The following MYH2 variants were observed in gnomAD, a reference collection of about 807,000 sequenced individuals.
The protein encoded by MYH2 is myosin-2.
A neutral mutation model predicts 228.1 loss-of-function variants in MYH2; 139 were observed. The ratio of observed to expected loss-of-function variants is 0.61; its 90% confidence interval spans 0.53 to 0.70. The LOEUF is 0.70. MYH2 is among the 30% of genes least tolerant of loss of function. MYH2 has a pLI of 0.00. For missense variants in MYH2, 1,809 were observed against 2,357.5 expected (o/e 0.77, Z 4.82); for synonymous variants, 796 against 871.1 (o/e 0.91, Z 1.52).
chr17:10,537,224 G>T lies in MYH2; in HGVS notation c.1897+9C>A. ...TACCTAGAGAGTATTATTAACATTT[G>T]AGCATTACCTCCTTCAGCAGTTTGA... On this transcript the variant is annotated intron_variant, in intron 16 of 39. Coordinates refer to ENST00000245503, the MANE Select transcript of MYH2 (RefSeq NM_017534.6). The surrounding 1 kb of genome is among the most constrained non-coding windows in gnomAD (Gnocchi z 4.0). The T allele has an allele frequency of 6.2e-7, 1 of 1,613,986 alleles. No homozygotes were observed. The highest frequency in any genetic ancestry group is 1.1e-5 in the South Asian group (1 of 91,066).
intron 35 of MYH2, 55 bp from the exon 36 acceptor site, chr17:10,523,939 G>C: frequency 6.4e-7 from 1 of 1,559,160 alleles, no homozygotes; most frequent in Non-Finnish European, 8.7e-7. Flanking sequence ...GTATTTATTG[G>C]TAACCACTTC....
Position 10,528,930 on chromosome 17 carries a change from C to G in MYH2, c.3504G>C (p.Glu1168Asp), listed in dbSNP as rs1482506132. ...EAGGATSAQI[E>D]MNKKREAEFQ... The stretch of plus-strand genomic sequence containing the variant: ...ACTCAGCCTCCCGCTTCTTGTTCAT[C>G]TCAATCTGGGCTGAAGTGGCCCCAC... Residue 1168 changes from glutamate to aspartate, a missense_variant, in exon 27 of 40, where the codon GAG becomes GAC. Coordinates refer to ENST00000245503, the MANE Select transcript of MYH2 (RefSeq NM_017534.6). 1 of 1,614,216 alleles carries G rather than the reference C, an allele frequency of 6.2e-7. No homozygotes were observed. Among genetic ancestry groups the G allele is most frequent in the Non-Finnish European group, 8.5e-7 (1 of 1,180,048 alleles).
intron 30 of MYH2, 143 bp downstream of exon 30, chr17:10,526,454 CTT>C: frequency 7.4e-7 from 1 of 1,344,356 alleles, no homozygotes; most frequent in Non-Finnish European, 1.0e-6. Flanking sequence ...TTATTCATGT[CTT>C]ATTCTCAGGG....
rs767659427 is a variant in MYH2 at position 10,525,445 on chromosome 17, A to T, written c.4537+6T>A. On this transcript the variant is annotated splice_donor_region_variant and intron_variant, in intron 32 of 39. Coordinates refer to ENST00000245503, the MANE Select transcript of MYH2 (RefSeq NM_017534.6). This position sits in a 1 kb window ranked among gnomAD's most constrained non-coding sequence, Gnocchi z 4.2. ...ATGAATATTATTGAATATGATAGGG[A>T]CTTACGCTGTAAGTTTTTGTTCTCT... 1.2e-6 allele frequency: 2 copies of T among 1,614,112 alleles called. No homozygotes were observed. The highest frequency in any genetic ancestry group is 8.5e-7 in the Non-Finnish European group (1 of 1,180,018).
rs1358118988 is a variant in MYH2 at position 10,533,510 on chromosome 17, T to G, written c.2303A>C (p.Lys768Thr). 12 of 1,614,076 alleles carry G rather than the reference T, an allele frequency of 7.4e-6. No individual in the cohort carries two copies. In the Admixed American group the frequency reaches 1.0e-4, roughly 13 times the overall value. Residue 768 changes from lysine to threonine, a missense_variant and splice_region_variant, in exon 20 of 40, where the codon AAG becomes ACG. Physicochemically the swap from Lys to Thr is moderately conservative, Grantham distance 78 (BLOSUM62 -1). Transcript: ENST00000245503. The stretch of plus-strand genomic sequence containing the variant: ...CAGGTAGGATTTACAGAAAATTACC[T>G]TGGTGTGCCCAAATTTATACTGGGT... Reference protein sequence around the residue: ...DHTQYKFGHTKVFFKAGLLGL... With the variant: ...DHTQYKFGHTTVFFKAGLLGL...
At chr17:10,534,998 TC>T in intron 19 of MYH2, 74 bp downstream of exon 19, 2 of 1,492,452 alleles carry the variant, frequency 1.3e-6, no homozygotes, top group Non-Finnish European at 1.9e-6. Flanking sequence ...GGCATATGTT[TC>T]ACTAAATTGT....
chr17:10,530,159 T>G, intron 22 of MYH2, 85 bp from the exon 23 acceptor site: 1 of 1,608,328 alleles, frequency 6.2e-7, no homozygotes, highest in South Asian at 1.1e-5. Flanking sequence ...GCATTTGATC[T>G]TTTGAATTTC....
At chr17:10,534,650 C>T (rs2073462083) in intron 19 of MYH2, among the ~76,000 whole-genome samples, 1 of 152,202 alleles carries the variant, frequency 6.6e-6, no homozygotes, top group Non-Finnish European at 1.5e-5. Context: ...GGCATGGTGG[C>T]TCATGCCTGT....
intron 14 of MYH2, 101 bp downstream of exon 14, chr17:10,539,104 C>A (rs2073518854): frequency 3.7e-6 from 6 of 1,601,048 alleles, no homozygotes; most frequent in Non-Finnish European, 5.1e-6. Flanking sequence ...AAAATAATTT[C>A]TACAGTGGTA....
Position 10,542,915 on chromosome 17 carries a change from A to T in MYH2, c.864T>A (p.Ile288=). 1 of 1,612,616 alleles carries T rather than the reference A, an allele frequency of 6.2e-7. No individual in the cohort carries two copies. Among genetic ancestry groups the T allele is most frequent in the Non-Finnish European group, 8.5e-7 (1 of 1,178,848 alleles). ...FQLKAERSYH[I]FYQITSNKKP... is the part of the protein sequence containing the mutation. Reference sequence around the variant, plus strand: ...TCTTATTCGATGTAATCTGGTAAAAAATATGATAACTTCTCTCAGCCTTAA... The same window carrying T: ...TCTTATTCGATGTAATCTGGTAAAATATATGATAACTTCTCTCAGCCTTAA... The change falls in exon 10 of 40, where the codon ATT becomes ATA. Residue 288 remains isoleucine, a synonymous_variant. Transcript: ENST00000245503.
rs1313498386 is a variant in MYH2, at chr17:10,525,568, C to G, written c.4420G>C (p.Glu1474Gln). The G allele has an allele frequency of 6.2e-7, 1 of 1,614,178 alleles. No homozygotes were observed. Among genetic ancestry groups the G allele is most frequent in the Non-Finnish European group, 8.5e-7 (1 of 1,180,032 alleles). The change falls in exon 32 of 40, where the codon GAG becomes CAG. Residue 1474 changes from glutamate (E) to glutamine (Q), a missense_variant. This residue lies in a region of MYH2 where 636 missense variants were observed against 729.9 expected (regional missense o/e 0.87). Coordinates refer to ENST00000245503, the MANE Select transcript of MYH2 (RefSeq NM_017534.6). This position sits in a 1 kb window ranked among gnomAD's most constrained non-coding sequence, Gnocchi z 4.2. ...GAACGGGCCTCCTTCTGGGAGGCCT[C>G]AAGCTCAGCATGCGTTTCCTCACAT... ...QKCEETHAEL[E>Q]ASQKEARSLG...
rs2073428265 is a variant in MYH2, at chr17:10,531,856, C to A, written c.2474G>T (p.Arg825Ile). The A allele has an allele frequency of 1.9e-6, 3 of 1,614,090 alleles. No homozygotes were observed. The highest frequency in any genetic ancestry group is 2.5e-6 in the Non-Finnish European group (3 of 1,179,976). ...EAIFCIQYNI[R>I]SFMNVKHWPW... ...CCAGTGCTTGACATTCATGAAGGATCTGATATTGTACTGGATACAGAAGAT... is the reference window on the plus strand; with the variant it reads ...CCAGTGCTTGACATTCATGAAGGATATGATATTGTACTGGATACAGAAGAT... Residue 825 changes from arginine to isoleucine, a missense_variant, in exon 22 of 40, where the codon AGA becomes ATA. Transcript: ENST00000245503.
At chr17:10,528,498 G>T (rs1470622768) in intron 27 of MYH2, among the ~76,000 whole-genome samples, 192 bp downstream of exon 27, 1 of 152,126 alleles carries the variant, frequency 6.6e-6, no homozygotes, top group Non-Finnish European at 1.5e-5. Context: ...ATGGGTCAAA[G>T]TGCTTGGCCT....
chr17:10,525,892 T>C lies in MYH2; in HGVS notation c.4188-16A>G, dbSNP rs1567728205. 1 of 1,613,360 alleles carries C rather than the reference T, an allele frequency of 6.2e-7. No homozygotes were observed. The highest frequency in any genetic ancestry group is 8.5e-7 in the Non-Finnish European group (1 of 1,179,378). On this transcript the variant is annotated splice_polypyrimidine_tract_variant and intron_variant, in intron 30 of 39. Transcript: ENST00000245503. This position sits in a 1 kb window ranked among gnomAD's most constrained non-coding sequence, Gnocchi z 4.2. Reference sequence around the variant, plus strand: ...CAGCTTCTTCCTTGAATATTATACATGTTTTCAGAGAGAAGTGAACCATAA... The same window carrying C: ...CAGCTTCTTCCTTGAATATTATACACGTTTTCAGAGAGAAGTGAACCATAA...
At position 10,523,141 on chromosome 17, in the gene MYH2, T is replaced by C; in HGVS notation, c.5622A>G (p.Val1874=). The change falls in exon 39 of 40, where the codon GTA becomes GTG. Residue 1874 remains valine, a synonymous_variant. Transcript: ENST00000245503. ...ATTTCACTTTTGCCTGAAGTTTATC[T>C]ACCAAATCTTGAAGCCTGAGAATAT... is the stretch of plus-strand genomic sequence containing the variant. The part of the protein sequence containing the change: ...RKNILRLQDL[V]DKLQAKVKSY... The C allele has an allele frequency of 1.2e-6, 2 of 1,614,102 alleles. No individual in the cohort carries two copies. The highest frequency in any genetic ancestry group is 1.7e-6 in the Non-Finnish European group (2 of 1,179,944).
rs1357243205 is a variant in MYH2, at chr17:10,533,062, T to C, written c.2441+223A>G. On this transcript the variant is annotated intron_variant, in intron 21 of 39. Transcript: ENST00000245503. ...CACTGGTGTATTTTATCTTATTAGA[T>C]AAGAAGTACACACTTCTTACCTAAC... Among the ~76,000 whole-genome samples, 2 of 152,216 alleles carry C rather than the reference T, an allele frequency of 1.3e-5. 1 individual carries two copies. The highest frequency in any genetic ancestry group is 2.9e-5 in the Non-Finnish European group (2 of 68,032).
chr17:10,534,083 C>T (rs1212799470), intron 19 of MYH2, among the ~76,000 whole-genome samples: 1 of 152,204 alleles, frequency 6.6e-6, no homozygotes, highest in Non-Finnish European at 1.5e-5. Context: ...GCCCTGGAAT[C>T]CTCTGTCAGT....
At chr17:10,545,048 G>A (rs2073609663) in intron 5 of MYH2, among the ~76,000 whole-genome samples, 1 of 110,642 alleles carries the variant, frequency 9.0e-6, no homozygotes, top group Non-Finnish European at 2.0e-5. Flanking sequence ...TACATACACA[G>A]AAATATTTGT....
intron 11 of MYH2, 38 bp downstream of exon 11, chr17:10,540,556 C>G: frequency 6.7e-7 from 1 of 1,492,402 alleles, no homozygotes; most frequent in Non-Finnish European, 9.3e-7. Context: ...TTACTCTGAC[C>G]CACCATAATA....
Sources: gnomAD v4.1 joint callset for allele counts (sites outside exome capture counted in the v4.1 genomes callset) on GRCh38, gnomAD v4.1.1 for gene constraint, gnomAD v4.1.1 regional missense constraint, Gnocchi (gnomAD v3.1) non-coding constraint, MANE v1.5 for transcripts, NCBI Gene and HGNC (gene_info 2026-07-23, HGNC 2026-07-21) for gene names.